Variants in TRIM44 observed in about 807,000 individuals in gnomAD.
TRIM44 encodes tripartite motif containing 44.
In TRIM44, 13 loss-of-function variants were observed where a neutral mutation model predicts 37.4. The observed-to-expected ratio is 0.35, with a 90% CI of 0.23 to 0.55. The LOEUF is 0.55. TRIM44 is among the 20% of genes least tolerant of loss of function. TRIM44 has a pLI of 0.89. For missense variants in TRIM44, 426 were observed against 437.2 expected, an observed-to-expected ratio of 0.97 and a Z score of 0.23; for synonymous variants, 175 against 157.2, an observed-to-expected ratio of 1.11 and a Z score of -0.85.
intron 2 of TRIM44, among the ~76,000 whole-genome samples, chr11:35,725,098 A>G: frequency 6.9e-6 from 1 of 143,914 alleles, no homozygotes; most frequent in Admixed American, 7.1e-5. Flanking sequence ...ACACACACAC[A>G]CACACACCCT....
intron 2 of TRIM44, among the ~76,000 whole-genome samples, chr11:35,709,726 A>C (rs181965178): frequency 5.1e-4 from 78 of 152,344 alleles, no homozygotes; most frequent in Admixed American, 9.8e-4. Flanking sequence ...ATCAGAGGAC[A>C]CAAGTGGATC....
intron 2 of TRIM44, among the ~76,000 whole-genome samples, chr11:35,706,476 C>T (rs1170748153): frequency 6.6e-6 from 1 of 152,184 alleles, no homozygotes; most frequent in Non-Finnish European, 1.5e-5. Flanking sequence ...GAATTTTAGA[C>T]CAATATCCTT....
intron 2 of TRIM44, among the ~76,000 whole-genome samples, chr11:35,718,875 CCTG>C (rs1852068100): frequency 1.4e-5 from 2 of 145,796 alleles, no homozygotes; most frequent in Non-Finnish European, 3.0e-5. Context: ...ATGTTCATGA[CCTG>C]ATAGCTTTTT....
At chr11:35,797,179 A>G (rs986211108) in intron 4 of TRIM44, among the ~76,000 whole-genome samples, 3 of 152,218 alleles carry the variant, frequency 2.0e-5, no homozygotes, top group Non-Finnish European at 2.9e-5. Context: ...GGATATGTCA[A>G]TGGAACATAG....
chr11:35,787,035 C>A (rs1330521150), intron 4 of TRIM44, among the ~76,000 whole-genome samples: 2 of 152,182 alleles, frequency 1.3e-5, no homozygotes, highest in African/African-American at 4.8e-5. Context: ...TTGCTTGACA[C>A]TAGAAAGATA....
rs1554935237 is a variant in TRIM44 at position 35,761,405 on chromosome 11, C to CTCTATA, written c.1007+25961_1007+25962insCTATAT. ...TATTGTTTGCTCTCTCTCTCTCTCT[C>CTCTATA]TATATATATATGTGATACTTTGCCA... On this transcript the variant is annotated intron_variant, in intron 4 of 4. Transcript: ENST00000299413. Among the ~76,000 whole-genome samples the CTCTATA allele has an allele frequency of 1.1e-4, 17 of 150,388 alleles. No homozygotes were observed. The South Asian group carries it at 1.3e-3, about 11-fold the overall frequency.
intron 2 of TRIM44, among the ~76,000 whole-genome samples, chr11:35,717,540 T>C (rs966608857): frequency 2.6e-5 from 4 of 152,194 alleles, no homozygotes; most frequent in South Asian, 4.1e-4. Context: ...AGGAGACTGA[T>C]TTGAGTAATA....
chr11:35,715,019 C>G (rs1852021189), intron 2 of TRIM44, among the ~76,000 whole-genome samples: 1 of 152,074 alleles, frequency 6.6e-6, no homozygotes, highest in Admixed American at 6.6e-5. Context: ...TTATTGCCAC[C>G]CTGGGGTCAG....
rs181057408 is a variant in TRIM44, at chr11:35,780,131, T to A, written c.1008-26227T>A. On this transcript the variant is annotated intron_variant, in intron 4 of 4. Coordinates refer to ENST00000299413, the MANE Select transcript of TRIM44 (RefSeq NM_017583.6). ...TACTAATTTTAGAATAGTTTTTTTTTAAATTCTGAGGACCACAGATTATTT... is the reference window on the plus strand; with the variant it reads ...TACTAATTTTAGAATAGTTTTTTTTAAAATTCTGAGGACCACAGATTATTT... 4.6e-3 allele frequency among the ~76,000 whole-genome samples: 696 copies of A among 152,220 alleles called. 11 individuals carry two copies. The highest frequency in any genetic ancestry group is 0.016 in the African/African-American group (668 of 41,520).
At chr11:35,782,767 C>T (rs1853082254) in intron 4 of TRIM44, among the ~76,000 whole-genome samples, 1 of 152,182 alleles carries the variant, frequency 6.6e-6, no homozygotes, top group African/African-American at 2.4e-5. Context: ...CCACTCCTAA[C>T]TGCAGTGTAG....
intron 2 of TRIM44, among the ~76,000 whole-genome samples, chr11:35,713,794 A>G (rs1306858998): frequency 6.6e-6 from 1 of 152,162 alleles, no homozygotes; most frequent in African/African-American, 2.4e-5. Context: ...AGAAAATACC[A>G]TGAGAGGCAA....
At chr11:35,689,472 A>G (rs1020461336) in intron 2 of TRIM44, among the ~76,000 whole-genome samples, 11 of 152,218 alleles carry the variant, frequency 7.2e-5, no homozygotes, top group African/African-American at 1.2e-4. Context: ...GGTCTTTTAC[A>G]TAATACGCTG....
At chr11:35,796,099 C>T (rs747141689) in intron 4 of TRIM44, among the ~76,000 whole-genome samples, 7 of 152,170 alleles carry the variant, frequency 4.6e-5, no homozygotes, top group East Asian at 3.9e-4. Flanking sequence ...ATTCATAACC[C>T]GCTGCCATAT....
intron 4 of TRIM44, among the ~76,000 whole-genome samples, chr11:35,775,602 G>A (rs1053765033): frequency 6.6e-6 from 1 of 152,288 alleles, no homozygotes; most frequent in Middle Eastern, 3.4e-3. Flanking sequence ...TATTGGCTGT[G>A]GGTTTGTGAT....
chr11:35,764,842 G>A (rs751433481), intron 4 of TRIM44, among the ~76,000 whole-genome samples: 10 of 152,008 alleles, frequency 6.6e-5, no homozygotes, highest in Non-Finnish European at 1.5e-4. Flanking sequence ...GGTCTTTTCA[G>A]TTAAATGATT....
chr11:35,717,548 A>G (rs1029585204), intron 2 of TRIM44, among the ~76,000 whole-genome samples: 6 of 152,172 alleles, frequency 3.9e-5, no homozygotes, highest in Admixed American at 6.5e-5. Context: ...GATTTGAGTA[A>G]TAATAAAACT....
chr11:35,707,889 CA>C (rs1275541593), intron 2 of TRIM44, among the ~76,000 whole-genome samples: 4 of 136,026 alleles, frequency 2.9e-5, no homozygotes, highest in Non-Finnish European at 6.4e-5. Context: ...GCAATGGCAA[CA>C]AAAGCCAAAA....
At chr11:35,748,734 G>A (rs1349284112) in intron 4 of TRIM44, among the ~76,000 whole-genome samples, 1 of 152,214 alleles carries the variant, frequency 6.6e-6, no homozygotes, top group Non-Finnish European at 1.5e-5. Context: ...AATGAACAAT[G>A]TTGGAGAATA....
At position 35,768,471 on chromosome 11, in the gene TRIM44, G is replaced by A. The variant is rs149948121; in HGVS notation, c.1007+33026G>A. Among the ~76,000 whole-genome samples the A allele has an allele frequency of 4.2e-4, 64 of 152,210 alleles. 1 individual carries two copies. The East Asian group carries it at 0.011, about 26-fold the overall frequency. On this transcript the variant is annotated intron_variant, in intron 4 of 4. Coordinates refer to ENST00000299413, the MANE Select transcript of TRIM44 (RefSeq NM_017583.6). ...CCACATTTTTCCCAATATGCCTCAC[G>A]GCTACCAGATCTCATAGCCCACTTG...
Sources: allele counts gnomAD v4.1 joint callset (sites outside exome capture counted in the v4.1 genomes callset), GRCh38; gene constraint gnomAD v4.1.1; transcripts MANE v1.5; gene names NCBI Gene and HGNC (gene_info 2026-07-23, HGNC 2026-07-21).